Variants in ASIC2 observed in about 807,000 individuals in gnomAD.
ASIC2 encodes acid-sensing ion channel 2.
In ASIC2, 25 loss-of-function variants were observed where a neutral mutation model predicts 57.3. The ratio of observed to expected loss-of-function variants is 0.44; its 90% confidence interval spans 0.32 to 0.61. The LOEUF is 0.61. ASIC2 is among the 20% of genes least tolerant of loss of function. ASIC2 has a pLI of 0.06. For synonymous variants in ASIC2, 319 were observed against 307.5 expected (o/e 1.04, Z -0.39); for missense variants, 641 against 738.1 (o/e 0.87, Z 1.52).
chr17:33,228,069 C>T (rs771901931), intron 1 of ASIC2, among the ~76,000 whole-genome samples: 1 of 152,206 alleles, frequency 6.6e-6, no homozygotes, highest in Non-Finnish European at 1.5e-5. Context: ...GTGTACTCCA[C>T]ATGGGGTCCT....
chr17:33,664,471 A>T (rs929814227), intron 1 of ASIC2, among the ~76,000 whole-genome samples: 1 of 152,152 alleles, frequency 6.6e-6, no homozygotes, highest in Non-Finnish European at 1.5e-5. Flanking sequence ...AGTATACAAG[A>T]TGATCCAATG....
chr17:33,574,343 CTTT>C lies in ASIC2; in HGVS notation c.556-462279_556-462277del, dbSNP rs200847919. 6.8e-3 allele frequency among the ~76,000 whole-genome samples: 1,043 copies of C among 152,312 alleles called. 5 individuals carry two copies. Among genetic ancestry groups the C allele is most frequent in the African/African-American group, 0.019 (803 of 41,548 alleles). On this transcript the variant is annotated intron_variant, in intron 1 of 9. Coordinates refer to the ASIC2 transcript ENST00000359872. ...CTATTGACCATTTCTGCTTCCACTT[CTTT>C]ATCTTACCTGTCCATAGCCTTGTCC...
intron 1 of ASIC2, among the ~76,000 whole-genome samples, chr17:33,261,545 T>G (rs1392591055): frequency 6.6e-6 from 1 of 152,138 alleles, no homozygotes; most frequent in African/African-American, 2.4e-5. Flanking sequence ...GGAGTTCATG[T>G]GAGAAGGGGA....
intron 1 of ASIC2, among the ~76,000 whole-genome samples, chr17:34,109,208 TG>T (rs1452485110): frequency 6.6e-6 from 1 of 152,178 alleles, no homozygotes; most frequent in African/African-American, 2.4e-5. Context: ...CTTATTATTT[TG>T]TTTTCTGTTT....
intron 1 of ASIC2, among the ~76,000 whole-genome samples, chr17:33,801,997 T>C (rs1362829126): frequency 6.6e-6 from 1 of 152,202 alleles, no homozygotes; most frequent in Non-Finnish European, 1.5e-5. Flanking sequence ...GGCTAATTGG[T>C]AAAAATTGGA....
intron 1 of ASIC2, among the ~76,000 whole-genome samples, chr17:33,436,850 C>CTTTTTTTTTTTTTTTTTTTTTTTTTT (rs1244300127): frequency 1.3e-5 from 1 of 76,038 alleles, no homozygotes; most frequent in Non-Finnish European, 2.7e-5. Context: ...CACATTCCAA[C>CTTTTTTTTTTTTTTTTTTTTTTTTTT]TTCTTTTTTT....
chr17:33,964,001 T>C (rs62057446), intron 1 of ASIC2, among the ~76,000 whole-genome samples: 6,028 of 152,284 alleles, frequency 0.04, 179 homozygotes, highest in Non-Finnish European at 0.061. Context: ...CTTTGTAAGA[T>C]AGAACTGTGG....
intron 1 of ASIC2, among the ~76,000 whole-genome samples, chr17:33,997,737 T>G (rs1906208813): frequency 6.6e-6 from 1 of 152,128 alleles, no homozygotes; most frequent in Admixed American, 6.6e-5. Context: ...TGGATCACAG[T>G]ATATGATCCT....
intron 1 of ASIC2, among the ~76,000 whole-genome samples, chr17:33,188,119 A>G (rs1906274755): frequency 6.6e-6 from 1 of 152,034 alleles, no homozygotes; most frequent in South Asian, 2.1e-4. Context: ...TAAGGAGACA[A>G]TGGAAGACAT....
At chr17:34,013,488 ACCAT>A (rs762965751) in intron 1 of ASIC2, among the ~76,000 whole-genome samples, 15 of 152,286 alleles carry the variant, frequency 9.8e-5, no homozygotes, top group Admixed American at 2.0e-4. Flanking sequence ...GTCTGTTTTA[ACCAT>A]CCCTGCATTC....
chr17:33,025,137 C>T (rs1438488195), intron 5 of ASIC2, among the ~76,000 whole-genome samples: 1 of 152,186 alleles, frequency 6.6e-6, no homozygotes, highest in African/African-American at 2.4e-5. Flanking sequence ...CCAGCACTGC[C>T]TCACTTAGCT....
At chr17:33,709,062 C>G (rs906222671) in intron 1 of ASIC2, among the ~76,000 whole-genome samples, 1 of 152,188 alleles carries the variant, frequency 6.6e-6, no homozygotes, top group Non-Finnish European at 1.5e-5. Context: ...GTTTTTTGAA[C>G]AACACATTCA....
chr17:33,685,144 C>G (rs1007001402), intron 1 of ASIC2, among the ~76,000 whole-genome samples: 1 of 152,146 alleles, frequency 6.6e-6, no homozygotes, highest in South Asian at 2.1e-4. Context: ...AGAGGAGAGA[C>G]GTGTACACAC....
At chr17:33,079,309 T>C (rs536955636) in intron 3 of ASIC2, among the ~76,000 whole-genome samples, 1 of 152,292 alleles carries the variant, frequency 6.6e-6, no homozygotes, top group South Asian at 2.1e-4. Flanking sequence ...GGTATGGCCA[T>C]GTTTGCACTG....
At chr17:34,039,660 T>C (rs150431619) in intron 1 of ASIC2, 1 of 1,612,860 alleles carries the variant, frequency 6.2e-7, no homozygotes, top group African/African-American at 1.3e-5. Flanking sequence ...CTTGGCTACT[T>C]TCATATGGTT....
intron 1 of ASIC2, among the ~76,000 whole-genome samples, chr17:33,813,784 G>C (rs11658430): frequency 6.6e-6 from 1 of 152,156 alleles, no homozygotes; most frequent in Non-Finnish European, 1.5e-5. Context: ...TGGTGATAAG[G>C]TAATAGGGGT....
chr17:33,684,521 C>T (rs1908119761), intron 1 of ASIC2, among the ~76,000 whole-genome samples: 1 of 152,180 alleles, frequency 6.6e-6, no homozygotes, highest in Admixed American at 6.6e-5. Flanking sequence ...CATTTTAGAG[C>T]TGACTTCCCA....
chr17:33,878,519 C>G (rs546136040), intron 1 of ASIC2, among the ~76,000 whole-genome samples: 3 of 152,076 alleles, frequency 2.0e-5, no homozygotes, highest in South Asian at 2.1e-4. Flanking sequence ...GATGGAAGAT[C>G]AAATGAATGA....
chr17:33,670,213 A>G (rs1399666923), intron 1 of ASIC2, among the ~76,000 whole-genome samples: 2 of 152,160 alleles, frequency 1.3e-5, no homozygotes, highest in Non-Finnish European at 2.9e-5. Flanking sequence ...AATGTTCTGT[A>G]CTGCATAGGA....
Sources: allele counts gnomAD v4.1 joint callset (sites outside exome capture counted in the v4.1 genomes callset), GRCh38; gene constraint gnomAD v4.1.1; transcripts MANE v1.5; gene names NCBI Gene and HGNC (gene_info 2026-07-23, HGNC 2026-07-21).